Variants in IAPP observed in about 807,000 individuals in gnomAD.
The protein encoded by IAPP is Islet amyloid polypeptide (diabetes-associated peptide; amylin).
IAPP carries 4 observed loss-of-function variants against 2.9 expected under a neutral mutation model. That is an observed-to-expected ratio of 1.39 (90% CI 0.69 to 3.19). The LOEUF (loss-of-function observed/expected upper bound fraction) is 3.19, where lower values mean the gene tolerates loss of function less well. Among genes scored for constraint, IAPP ranks in the 30% most tolerant of loss-of-function variants. The pLI is 0.01. For synonymous variants in IAPP, 40 were observed against 42.1 expected, an observed-to-expected ratio of 0.95 and a Z score of 0.19; for missense variants, 114 against 105.3, an observed-to-expected ratio of 1.08 and a Z score of -0.36.
chr12:21,374,232 T>C (rs1486586948), intron 2 of IAPP, among the ~76,000 whole-genome samples: 1 of 152,178 alleles, frequency 6.6e-6, no homozygotes, highest in African/African-American at 2.4e-5. Context: ...ATTTTCAAAC[T>C]GAGATTTTAA....
chr12:21,371,800 C>T (rs960523705), upstream of IAPP, among the ~76,000 whole-genome samples: 1 of 151,914 alleles, frequency 6.6e-6, no homozygotes, highest in Non-Finnish European at 1.5e-5. Context: ...GTTGGGAGTT[C>T]GAGACCAGCC....
intron 2 of IAPP, among the ~76,000 whole-genome samples, chr12:21,374,716 T>A (rs528203062): frequency 3.9e-5 from 6 of 152,316 alleles, no homozygotes; most frequent in Admixed American, 6.5e-5. Flanking sequence ...ATCAGTAGTA[T>A]TTCCTAGTAT....
rs998593164 is a variant in IAPP, at chr12:21,377,276, A to T, written c.81-961A>T. 2.6e-5 allele frequency among the ~76,000 whole-genome samples: 4 copies of T among 152,202 alleles called. No individual in the cohort carries two copies. In the South Asian group the frequency reaches 6.2e-4, roughly 24 times the overall value. On this transcript the variant is annotated intron_variant, in intron 2 of 2. Coordinates refer to ENST00000240652, the MANE Select transcript of IAPP (RefSeq NM_000415.3). The stretch of plus-strand genomic sequence containing the variant: ...AAATGTATTTATGCTAAAAGTAATA[A>T]AACTCTCACACTGCAATAGAGTACC...
intron 1 of IAPP, among the ~76,000 whole-genome samples, chr12:21,359,396 T>C (rs1035502253): frequency 2.0e-5 from 3 of 151,854 alleles, no homozygotes; most frequent in Non-Finnish European, 2.9e-5. Context: ...GTGTAAAACA[T>C]TAGTGAAAAA....
chr12:21,371,735 G>A (rs1266838582), upstream of IAPP, among the ~76,000 whole-genome samples: 1 of 152,188 alleles, frequency 6.6e-6, no homozygotes, highest in East Asian at 1.9e-4. Flanking sequence ...GGGTGCGGTG[G>A]CTGACGCCTG....
chr12:21,362,627 G>C (rs146633074), intron 1 of IAPP, among the ~76,000 whole-genome samples: 14 of 152,160 alleles, frequency 9.2e-5, no homozygotes, highest in East Asian at 3.9e-4. Flanking sequence ...GAGTCAAGAC[G>C]CATCAGTGTG....
chr12:21,364,050 G>T (rs1299340844), intron 1 of IAPP, among the ~76,000 whole-genome samples: 1 of 152,162 alleles, frequency 6.6e-6, no homozygotes, highest in Non-Finnish European at 1.5e-5. Flanking sequence ...CATTTTATGA[G>T]GCCAGCATCA....
intron 1 of IAPP, among the ~76,000 whole-genome samples, chr12:21,365,442 C>A (rs192273827): frequency 7.3e-4 from 111 of 152,268 alleles, no homozygotes; most frequent in Non-Finnish European, 1.2e-3. Context: ...ACCATAAAAA[C>A]CCTAGAAGAA....
At chr12:21,365,272 A>G (rs1373918819) in intron 1 of IAPP, among the ~76,000 whole-genome samples, 1 of 152,180 alleles carries the variant, frequency 6.6e-6, no homozygotes, top group Non-Finnish European at 1.5e-5. Flanking sequence ...TCTTTGACAA[A>G]CCTGACAAAA....
chr12:21,362,653 C>T (rs1389557560), intron 1 of IAPP, among the ~76,000 whole-genome samples: 1 of 151,934 alleles, frequency 6.6e-6, no homozygotes, highest in Non-Finnish European at 1.5e-5. Context: ...TTCAGGAGAC[C>T]CATCTCACAC....
chr12:21,362,933 C>T (rs557508113), intron 1 of IAPP, among the ~76,000 whole-genome samples: 2 of 152,264 alleles, frequency 1.3e-5, no homozygotes, highest in Admixed American at 6.5e-5. Flanking sequence ...TAGACTCCCA[C>T]ACAATAATAA....
chr12:21,374,377 C>T (rs1305012111), intron 2 of IAPP: 1 of 152,148 alleles, frequency 6.6e-6, no homozygotes, highest in Non-Finnish European at 1.5e-5. Flanking sequence ...CACTCTTTAA[C>T]ACCAAGGAGA....
At chr12:21,365,016 T>A (rs1355567750) in intron 1 of IAPP, among the ~76,000 whole-genome samples, 1 of 152,142 alleles carries the variant, frequency 6.6e-6, no homozygotes, top group African/African-American at 2.4e-5. Flanking sequence ...AAGCTACCAA[T>A]GACTTTCTTC....
rs372384041 is a variant in IAPP at position 21,373,440 on chromosome 12, C to T, written c.80+9C>T. On this transcript the variant is annotated intron_variant, in intron 2 of 2. Coordinates refer to ENST00000240652, the MANE Select transcript of IAPP (RefSeq NM_000415.3). ...GCTACACCCATTGAAAGGTTGGTAA[C>T]TTTAAAATCCTGTTTCTTTGTAACT... 1 of 1,586,784 alleles carries T rather than the reference C, an allele frequency of 6.3e-7. No homozygotes were observed. The highest frequency in any genetic ancestry group is 1.3e-5 in the African/African-American group (1 of 74,364).
Position 21,378,397 on chromosome 12 carries a change from A to G in IAPP, c.241A>G (p.Arg81Gly), listed in dbSNP as rs1485298353. 6.2e-6 allele frequency: 10 copies of G among 1,613,984 alleles called. No individual in the cohort carries two copies. Among genetic ancestry groups the G allele is most frequent in the East Asian group, 2.2e-5 (1 of 44,892 alleles). ...GKRNAVEVLKREPLNYLPL is the reference protein window; with the variant it reads ...GKRNAVEVLKGEPLNYLPL ...GAGGAATGCAGTAGAGGTTTTAAAG[A>G]GAGAGCCACTGAATTACTTGCCCCT... The change falls in exon 3 of 3, where the codon AGA becomes GGA. Residue 81 changes from arginine (R) to glycine (G), a missense_variant. By Grantham distance (125) the Arg-to-Gly change is moderately radical. Coordinates refer to ENST00000240652, the MANE Select transcript of IAPP (RefSeq NM_000415.3).
upstream of IAPP, among the ~76,000 whole-genome samples, chr12:21,371,115 G>A (rs1413943267): frequency 6.6e-6 from 1 of 152,168 alleles, no homozygotes; most frequent in Non-Finnish European, 1.5e-5. Context: ...GATGGTTTAT[G>A]CGGAAATTTC....
chr12:21,372,524 T>C (rs1939875122), upstream of IAPP, among the ~76,000 whole-genome samples: 2 of 152,220 alleles, frequency 1.3e-5, no homozygotes, highest in Admixed American at 6.5e-5. Flanking sequence ...TGAGGTCACT[T>C]GGGTTTAGAT....
At chr12:21,357,322 G>T (rs1197210644) in intron 1 of IAPP, among the ~76,000 whole-genome samples, 1 of 152,138 alleles carries the variant, frequency 6.6e-6, no homozygotes. Flanking sequence ...ATGCCTCATG[G>T]GAATGAAGAC....
intron 1 of IAPP, among the ~76,000 whole-genome samples, chr12:21,367,653 G>C (rs1307242613): frequency 6.6e-6 from 1 of 151,918 alleles, no homozygotes; most frequent in African/African-American, 2.4e-5. Flanking sequence ...AATACTCACA[G>C]CATATTACTC....
Sources: gnomAD v4.1 joint callset for allele counts (sites outside exome capture counted in the v4.1 genomes callset) on GRCh38, gnomAD v4.1.1 for gene constraint, MANE v1.5 for transcripts, NCBI Gene and HGNC (gene_info 2026-07-23, HGNC 2026-07-21) for gene names.